The following ING3 variants were observed in gnomAD, a reference collection of about 807,000 sequenced individuals.
The protein encoded by ING3 is inhibitor of growth family member 3, also known as inhibitor of growth protein 3.
A neutral mutation model predicts 64.8 loss-of-function variants in ING3; 6 were observed. The ratio of observed to expected loss-of-function variants is 0.09; its 90% CI spans 0.05 to 0.18. ING3 has a LOEUF of 0.18. Ranked by LOEUF, ING3 falls within the 10% of genes least tolerant of loss-of-function variation. The pLI, the probability that ING3 is intolerant of heterozygous loss-of-function variation, is 1.00. For synonymous variants in ING3, 170 were observed against 173.7 expected, an observed-to-expected ratio of 0.98 and a Z score of 0.17; for missense variants, 310 against 489.7, an observed-to-expected ratio of 0.63 and a Z score of 3.46.
intron 4 of ING3, among the ~76,000 whole-genome samples, chr7:120,962,081 A>G (rs1001605483): frequency 1.3e-5 from 2 of 152,190 alleles, no homozygotes; most frequent in Admixed American, 6.5e-5. Flanking sequence ...GGTTGAGGGA[A>G]TGCACATGAT....
chr7:120,956,493 T>TA (rs1457798221), intron 4 of ING3: 2 of 1,074,544 alleles, frequency 1.9e-6, no homozygotes, highest in African/African-American at 3.4e-5. Context: ...TGTAAATGCT[T>TA]ATACCACAAA....
At chr7:120,960,949 T>C (rs1476939110) in intron 4 of ING3, among the ~76,000 whole-genome samples, 1 of 152,228 alleles carries the variant, frequency 6.6e-6, no homozygotes, top group Admixed American at 6.5e-5. Context: ...TAGTTAATGC[T>C]TGAATGATTT....
At chr7:120,970,230 C>A (rs1395501400) in intron 9 of ING3, among the ~76,000 whole-genome samples, 2 of 151,996 alleles carry the variant, frequency 1.3e-5, no homozygotes, top group African/African-American at 4.8e-5. Flanking sequence ...CTTTGGGAGG[C>A]CGAGGTGGGC....
intron 4 of ING3, among the ~76,000 whole-genome samples, chr7:120,960,853 A>G (rs1449599305): frequency 6.6e-6 from 1 of 152,224 alleles, no homozygotes; most frequent in Non-Finnish European, 1.5e-5. Flanking sequence ...TGTGTTTCTC[A>G]GCCAGATGTC....
intron 4 of ING3, among the ~76,000 whole-genome samples, chr7:120,960,948 C>T (rs1421772209): frequency 2.0e-5 from 3 of 152,130 alleles, no homozygotes; most frequent in African/African-American, 7.2e-5. Flanking sequence ...TTAGTTAATG[C>T]TTGAATGATT....
rs1015192428 is a variant in ING3 at position 120,975,395 on chromosome 7, A to G, written c.*551A>G. 4.6e-5 allele frequency: 7 copies of G among 151,994 alleles called. No homozygotes were observed. Among genetic ancestry groups the G allele is most frequent in the African/African-American group, 1.7e-4 (7 of 41,394 alleles). 9.4% of individuals were successfully genotyped at this position (151,994 alleles called of 1,614,324 possible). On this transcript the variant is annotated 3_prime_UTR_variant, in exon 12 of 12. Coordinates refer to ENST00000315870, the MANE Select transcript of ING3 (RefSeq NM_019071.3). ...TTCAGCAGGCTGAAGGAAATGGTTC[A>G]TGTGATAATGTGGGCTGGTATCCTC...
At chr7:120,956,609 T>C in intron 4 of ING3, 1 of 988,252 alleles carries the variant, frequency 1.0e-6, no homozygotes, top group Non-Finnish European at 1.2e-6. Context: ...CATAGAGTTA[T>C]TCTGAAAAAA....
At chr7:120,951,640 C>T (rs1289121999) in intron 2 of ING3, among the ~76,000 whole-genome samples, 2 of 152,140 alleles carry the variant, frequency 1.3e-5, no homozygotes, top group Non-Finnish European at 2.9e-5. Flanking sequence ...CACAGTTTTT[C>T]AAGAGTGGAA....
chr7:120,958,234 C>A (rs1302929355), intron 4 of ING3, among the ~76,000 whole-genome samples: 1 of 151,056 alleles, frequency 6.6e-6, no homozygotes, highest in Non-Finnish European at 1.5e-5. Flanking sequence ...TTTCTCCTTC[C>A]CTGCCTTTCT....
At chr7:120,956,148 CT>C (rs1244862945) in intron 4 of ING3, 6 of 1,582,410 alleles carry the variant, frequency 3.8e-6, no homozygotes, top group African/African-American at 2.7e-5. Flanking sequence ...AAACAAGATT[CT>C]TTTTTTGCAG....
chr7:120,962,697 GTCTT>G (rs1795948093), intron 4 of ING3, among the ~76,000 whole-genome samples: 1 of 151,918 alleles, frequency 6.6e-6, no homozygotes, highest in Admixed American at 6.6e-5. Context: ...CATACTGTTT[GTCTT>G]TCTGTCTCTA....
At chr7:120,958,722 C>T (rs1305452006) in intron 4 of ING3, among the ~76,000 whole-genome samples, 1 of 152,170 alleles carries the variant, frequency 6.6e-6, no homozygotes, top group Non-Finnish European at 1.5e-5. Flanking sequence ...AGCCTCTTTT[C>T]TTTCTATTGG....
rs200877009 is a variant in ING3 at position 120,969,154 on chromosome 7, A to G, written c.858A>G (p.Thr286=). The change falls in exon 9 of 12, where the codon ACA becomes ACG. Residue 286 remains threonine, a synonymous_variant. Coordinates refer to ENST00000315870, the MANE Select transcript of ING3 (RefSeq NM_019071.3). ...CTTCGGCACTTATGACAACATTAAC[A>G]CAGAATGCCAGTTCATCAGCAGCCG... ...SSSSALMTTL[T]QNASSSAADS... is the part of the protein sequence containing the mutation. 3 of 1,613,934 alleles carry G rather than the reference A, an allele frequency of 1.9e-6. No individual in the cohort carries two copies. The highest frequency in any genetic ancestry group is 2.5e-6 in the Non-Finnish European group (3 of 1,179,926).
intron 11 of ING3, among the ~76,000 whole-genome samples, chr7:120,973,674 T>C (rs1465466453): frequency 6.6e-6 from 1 of 152,162 alleles, no homozygotes; most frequent in East Asian, 1.9e-4. Flanking sequence ...CTCATGAGTA[T>C]AATATTTTTT....
chr7:120,974,653 TC>T, intron 11 of ING3, 74 bp from the exon 12 acceptor site: 6 of 782,040 alleles, frequency 7.7e-6, no homozygotes, highest in Non-Finnish European at 1.3e-5. Flanking sequence ...TTATTCAGTC[TC>T]CTGAGCATAT....
intron 4 of ING3, chr7:120,956,719 C>T (rs1158097024): frequency 2.3e-5 from 23 of 979,026 alleles, no homozygotes; most frequent in Non-Finnish European, 2.7e-5. Context: ...TTGTTTCAGT[C>T]TTTAATTATG....
At chr7:120,956,595 T>G (rs886721205) in intron 4 of ING3, 4 of 989,798 alleles carry the variant, frequency 4.0e-6, no homozygotes, top group Non-Finnish European at 4.8e-6. Context: ...TGGGCTCTTT[T>G]GTTCATAGAG....
At position 120,975,685 on chromosome 7, in the gene ING3, AAT is replaced by A. The variant is rs1211493473; in HGVS notation, c.*842_*843del. ...TGTATTTATACTTTACATACTTAAT[AAT>A]GAAAATTTCTGAATTCCAATTAACT... is the stretch of plus-strand genomic sequence containing the variant. On this transcript the variant is annotated 3_prime_UTR_variant, in exon 12 of 12. Transcript: ENST00000315870. 6.6e-6 allele frequency: 1 copy of A among 152,182 alleles called. No individual in the cohort carries two copies. Among genetic ancestry groups the A allele is most frequent in the Non-Finnish European group, 1.5e-5 (1 of 68,016 alleles). 9.4% of individuals were successfully genotyped at this position (152,182 alleles called of 1,614,324 possible).
At chr7:120,951,051 C>T (rs1211768562) in intron 1 of ING3, 113 bp from the exon 2 acceptor site, 3 of 1,509,978 alleles carry the variant, frequency 2.0e-6, no homozygotes, top group Non-Finnish European at 2.8e-6. Flanking sequence ...CGGTAACTGG[C>T]AGCCTCGTTG....
Sources: allele counts gnomAD v4.1 joint callset (sites outside exome capture counted in the v4.1 genomes callset), GRCh38; gene constraint gnomAD v4.1.1; transcripts MANE v1.5; gene names NCBI Gene and HGNC (gene_info 2026-07-23, HGNC 2026-07-21).